HEXIM2: variants seen among roughly 807,000 people sequenced by gnomAD.
HEXIM2 encodes protein HEXIM2.
For synonymous variants in HEXIM2, 159 were observed against 162.7 expected, an observed-to-expected ratio of 0.98 and a Z score of 0.17; for missense variants, 413 against 390.8, an observed-to-expected ratio of 1.06 and a Z score of -0.48.
At chr17:45,163,011 G>A (rs531779411) in intron 3 of HEXIM2, 152 bp downstream of exon 3, 6 of 620,760 alleles carry the variant, frequency 9.7e-6, no homozygotes, top group South Asian at 9.3e-5. Flanking sequence ...CGGAATCCCA[G>A]TCTATGCTAG....
At chr17:45,166,537 T>C (rs1457490274) in intron 3 of HEXIM2, among the ~76,000 whole-genome samples, 1 of 152,156 alleles carries the variant, frequency 6.6e-6, no homozygotes, top group South Asian at 2.1e-4. Context: ...AATATAGTGG[T>C]GACTTGGACA....
At chr17:45,163,089 C>T (rs1277450340) in intron 3 of HEXIM2, among the ~76,000 whole-genome samples, 1 of 152,076 alleles carries the variant, frequency 6.6e-6, no homozygotes, top group African/African-American at 2.4e-5. Context: ...TTTGGGAGGC[C>T]TAGGTGGGTG....
chr17:45,166,993 C>T (rs552712837), intron 3 of HEXIM2, among the ~76,000 whole-genome samples: 15 of 135,588 alleles, frequency 1.1e-4, no homozygotes, highest in Non-Finnish European at 2.1e-4. Context: ...CCACTGCACT[C>T]CAGCCTGGGT....
chr17:45,162,508 G>A lies in HEXIM2; in HGVS notation c.-172G>A. On this transcript the variant is annotated 5_prime_UTR_variant, in exon 2 of 4. Coordinates refer to ENST00000589230, the MANE Select transcript of HEXIM2 (RefSeq NM_001303441.2). ...TCCAGGAGGACAGTACAGGACATGAGTCCTGGTGAGGGACCCGAGGAGCAG... is the reference window on the plus strand; with the variant it reads ...TCCAGGAGGACAGTACAGGACATGAATCCTGGTGAGGGACCCGAGGAGCAG... The A allele has an allele frequency of 3.1e-6, 4 of 1,275,518 alleles. No homozygotes were observed. The highest frequency in any genetic ancestry group is 4.0e-6 in the Non-Finnish European group (4 of 999,304). The allele number at this position is 1,275,518 out of a possible 1,614,324, so 79.0% of individuals were successfully genotyped here. A position where few individuals can be genotyped will look rare whatever the true frequency, so the allele number is the denominator to read the frequency against.
chr17:45,162,757 T>A lies in HEXIM2; in HGVS notation c.-37T>A. 1 of 1,613,702 alleles carries A rather than the reference T, an allele frequency of 6.2e-7. No homozygotes were observed. Among genetic ancestry groups the A allele is most frequent in the Non-Finnish European group, 8.5e-7 (1 of 1,179,774 alleles). On this transcript the variant is annotated 5_prime_UTR_variant, in exon 3 of 4. Transcript: ENST00000589230. ...TGTTGTTGTTCAAAGCAGGTGTCAC[T>A]AGTTCCAGGCGTCTGCTGAAAGATT...
At chr17:45,166,185 C>T (rs1038196615) in intron 3 of HEXIM2, among the ~76,000 whole-genome samples, 2 of 152,210 alleles carry the variant, frequency 1.3e-5, no homozygotes, top group East Asian at 1.9e-4. Flanking sequence ...AGCGCAGTGG[C>T]GCAATCACAG....
upstream of HEXIM2, chr17:45,161,093 C>T (rs1170208468): frequency 7.3e-6 from 4 of 550,850 alleles, no homozygotes; most frequent in South Asian, 6.1e-5. Context: ...AAGTGGGAGT[C>T]CCTCTGTGCG....
upstream of HEXIM2, chr17:45,160,582 C>G (rs551552646): frequency 1.1e-4 from 26 of 247,564 alleles, 1 homozygote; most frequent in Non-Finnish European, 1.2e-4. Flanking sequence ...ATGAAGCATA[C>G]GAAATGGGCA....
upstream of HEXIM2, among the ~76,000 whole-genome samples, chr17:45,160,353 G>T (rs2042654284): frequency 6.6e-6 from 1 of 152,026 alleles, no homozygotes; most frequent in African/African-American, 2.4e-5. Context: ...AAAAATTGAG[G>T]TTACCTAGTA....
chr17:45,167,760 A>G (rs754600766), intron 3 of HEXIM2, among the ~76,000 whole-genome samples: 4 of 151,714 alleles, frequency 2.6e-5, no homozygotes, highest in Non-Finnish European at 4.4e-5. Context: ...ACACCCAGCT[A>G]ATTTTTTTTG....
chr17:45,160,798 G>A, upstream of HEXIM2: 1 of 653,940 alleles, frequency 1.5e-6, no homozygotes, highest in African/African-American at 1.9e-5. Flanking sequence ...AAGAGCCTCA[G>A]AGACCTTCAG....
chr17:45,169,418 A>G lies in HEXIM2; in HGVS notation c.470A>G (p.Asn157Ser), dbSNP rs750816165. 5.6e-6 allele frequency: 9 copies of G among 1,613,826 alleles called. No homozygotes were observed. In the South Asian group the frequency reaches 6.6e-5, roughly 12 times the overall value. ...LMNDRDPEEP[N>S]LDVPHGISHP... ...AATGACAGGGACCCGGAGGAGCCCA[A>G]CTTGGATGTGCCCCATGGGATCTCC... The change falls in exon 4 of 4, where the codon AAC becomes AGC. Residue 157 changes from asparagine (N) to serine (S), a missense_variant. By Grantham distance (46) the Asn-to-Ser change is conservative. Coordinates refer to ENST00000589230, the MANE Select transcript of HEXIM2 (RefSeq NM_001303441.2).
intron 3 of HEXIM2, among the ~76,000 whole-genome samples, chr17:45,164,147 C>A (rs1227041405): frequency 2.1e-5 from 3 of 145,384 alleles, no homozygotes; most frequent in Admixed American, 6.9e-5. Context: ...AAGAACAAAA[C>A]TCTCTCAAAA....
upstream of HEXIM2, chr17:45,161,012 G>A (rs1186912878): frequency 1.7e-6 from 2 of 1,198,022 alleles, no homozygotes; most frequent in East Asian, 5.7e-5. Flanking sequence ...CTTGTGGCCA[G>A]ACCTGCGACC....
At position 45,169,441 on chromosome 17, in the gene HEXIM2, T is replaced by C; in HGVS notation, c.493T>C (p.Ser165Pro). 1 of 1,613,798 alleles carries C rather than the reference T, an allele frequency of 6.2e-7. No homozygotes were observed. Among genetic ancestry groups the C allele is most frequent in the Non-Finnish European group, 8.5e-7 (1 of 1,179,950 alleles). The part of the protein sequence containing the change: ...EPNLDVPHGI[S>P]HPGSSGESEA... ...CAACTTGGATGTGCCCCATGGGATC[T>C]CCCACCCAGGTTCCAGTGGGGAGAG... Residue 165 changes from serine (S) to proline (P), a missense_variant, in exon 4 of 4, where the codon TCC becomes CCC. Physicochemically the swap from Ser to Pro is moderately conservative, Grantham distance 74. Coordinates refer to ENST00000589230, the MANE Select transcript of HEXIM2 (RefSeq NM_001303441.2).
chr17:45,168,912 G>T, intron 3 of HEXIM2, 103 bp from the exon 4 acceptor site: 1 of 1,113,706 alleles, frequency 9.0e-7, no homozygotes. Context: ...GACCAAGTTA[G>T]CTGAGTGTAG....
In HEXIM2 at chr17:45,169,103, A is replaced by G. The variant is rs780570108; in HGVS notation, c.155A>G (p.His52Arg). 6.2e-7 allele frequency: 1 copy of G among 1,613,868 alleles called. No homozygotes were observed. Among genetic ancestry groups the G allele is most frequent in the South Asian group, 1.1e-5 (1 of 91,052 alleles). ...SLPLTPRMES[H>R]SEDEDLAGAV... Reference sequence around the variant, plus strand: ...CCCCTGACACCGCGGATGGAGAGCCACTCAGAGGATGAAGATCTTGCTGGG... The same window carrying G: ...CCCCTGACACCGCGGATGGAGAGCCGCTCAGAGGATGAAGATCTTGCTGGG... Residue 52 changes from histidine to arginine, a missense_variant, in exon 4 of 4, where the codon CAC (histidine) becomes CGC (arginine). Physicochemically the swap from His to Arg is conservative, Grantham distance 29 (BLOSUM62 0). Transcript: ENST00000589230.
intron 3 of HEXIM2, among the ~76,000 whole-genome samples, chr17:45,168,189 A>C (rs2042916969): frequency 6.7e-6 from 1 of 150,050 alleles, no homozygotes; most frequent in African/African-American, 2.4e-5. Flanking sequence ...GAGCCTAAAA[A>C]ACTTATTTTA....
chr17:45,166,139 T>C (rs986481401), intron 3 of HEXIM2, among the ~76,000 whole-genome samples: 21 of 151,734 alleles, frequency 1.4e-4, no homozygotes, highest in African/African-American at 4.6e-4. Flanking sequence ...AAGGGGAGTC[T>C]TTTTTTTGAG....
Sources: allele counts gnomAD v4.1 joint callset (sites outside exome capture counted in the v4.1 genomes callset), GRCh38; gene constraint gnomAD v4.1.1; transcripts MANE v1.5; gene names NCBI Gene and HGNC (gene_info 2026-07-23, HGNC 2026-07-21).